Variants in ITGAE observed in about 807,000 individuals in gnomAD.
ITGAE encodes the protein integrin alpha-E.
Under a neutral mutation model 136.5 loss-of-function variants are expected in ITGAE, and 99 were observed. That is an observed-to-expected ratio of 0.73 (90% CI 0.62 to 0.86). The LOEUF (loss-of-function observed/expected upper bound fraction) is 0.86, where lower values mean the gene tolerates loss of function less well. ITGAE is among the 40% of genes least tolerant of loss of function. The pLI, the probability that ITGAE is intolerant of heterozygous loss-of-function variation, is 0.00. For missense variants in ITGAE, 1,447 were observed against 1,515.3 expected, an observed-to-expected ratio of 0.95 and a Z score of 0.75; for synonymous variants, 613 against 591.8, an observed-to-expected ratio of 1.04 and a Z score of -0.52.
In ITGAE at chr17:3,754,715, T is replaced by A. The variant is rs562583423; in HGVS notation, c.1384+402A>T. ...TGTGACTGACCAGGTCCCGCCCCCA[T>A]CCGGAAACCTCAAGTGCAGCCTAAT... On this transcript the variant is annotated intron_variant, in intron 12 of 30. Transcript: ENST00000263087. The A allele has an allele frequency of 2.7e-3, 679 of 247,608 alleles. 17 individuals are homozygous for A. The Admixed American group carries it at 0.032, about 12-fold the overall frequency. The allele number at this position is 247,608 out of a possible 1,614,324, so 15.3% of individuals were successfully genotyped here. A position where few individuals can be genotyped will look rare whatever the true frequency, so the allele number is the denominator to read the frequency against.
chr17:3,725,396 T>G (rs781498594), intron 26 of ITGAE: 2 of 1,614,078 alleles, frequency 1.2e-6, no homozygotes, highest in African/African-American at 2.7e-5. Context: ...TGCAACGCTG[T>G]GAGAAGATTG....
chr17:3,724,746 T>C (rs2051165404), intron 26 of ITGAE: 2 of 1,614,040 alleles, frequency 1.2e-6, no homozygotes, highest in African/African-American at 1.3e-5. Flanking sequence ...AGAGTCCTGC[T>C]GTAAAAGGAA....
chr17:3,755,310 C>T, intron 11 of ITGAE, 49 bp from the exon 12 acceptor site: 1 of 1,485,000 alleles, frequency 6.7e-7, no homozygotes, highest in Non-Finnish European at 8.9e-7. Context: ...GACCCAAGGC[C>T]GGGCCACGGT....
chr17:3,717,267 A>C (rs2050961394), intron 29 of ITGAE: 1 of 156,724 alleles, frequency 6.4e-6, no homozygotes, highest in Non-Finnish European at 1.4e-5. Context: ...ACAGATCCCT[A>C]AAGGCTTTGG....
chr17:3,797,194 C>T (rs1246791838), intron 1 of ITGAE, among the ~76,000 whole-genome samples: 1 of 126,884 alleles, frequency 7.9e-6, no homozygotes, highest in Non-Finnish European at 1.6e-5. Context: ...GAGACGGAGT[C>T]TCGCTCTGTC....
chr17:3,784,124 G>A (rs554012493), intron 1 of ITGAE, among the ~76,000 whole-genome samples: 22 of 152,130 alleles, frequency 1.4e-4, no homozygotes, highest in East Asian at 3.9e-4. Context: ...GCCGGGCGTG[G>A]TGGCGGGCGC....
At chr17:3,777,212 C>A (rs1442336202) in intron 2 of ITGAE, among the ~76,000 whole-genome samples, 1 of 152,124 alleles carries the variant, frequency 6.6e-6, no homozygotes, top group Non-Finnish European at 1.5e-5. Context: ...CCGCCCGCCT[C>A]GGCCTCCCAA....
At position 3,801,123 on chromosome 17, in the gene ITGAE, G is replaced by C; in HGVS notation, c.22C>G (p.Leu8Val). 6.8e-6 allele frequency: 11 copies of C among 1,612,492 alleles called. No individual in the cohort carries two copies. Among genetic ancestry groups the C allele is most frequent in the Non-Finnish European group, 9.3e-6 (11 of 1,180,024 alleles). Residue 8 changes from leucine to valine, a missense_variant, in exon 1 of 31, where the codon CTC (leucine) becomes GTC (valine). Coordinates refer to ENST00000263087, the MANE Select transcript of ITGAE (RefSeq NM_002208.5). MWLFHTLLCIASLALLAA... is the reference protein window; with the variant it reads MWLFHTLVCIASLALLAA... ...TGAGAGGACTTACTGGCTATGCAGA[G>C]CAGAGTGTGGAAGAGCCACATCCTT...
chr17:3,795,155 C>G (rs2053034666), intron 1 of ITGAE, among the ~76,000 whole-genome samples: 1 of 152,168 alleles, frequency 6.6e-6, no homozygotes, highest in African/African-American at 2.4e-5. Context: ...CTGGCTCTGA[C>G]CAAACCCTGA....
chr17:3,751,834 G>A lies in ITGAE; in HGVS notation c.1709C>T (p.Pro570Leu). 6.2e-7 allele frequency: 1 copy of A among 1,614,086 alleles called. No individual in the cohort carries two copies. The highest frequency in any genetic ancestry group is 8.5e-7 in the Non-Finnish European group (1 of 1,179,972). ...GCCAAAGCGGGCATTGGTGAACCCG[G>A]GGTGCCCACTCAGTATGCGTGCCAA... is the stretch of plus-strand genomic sequence containing the variant. ...FSLARILSGH[P>L]GFTNARFGFA... The change falls in exon 15 of 31, where the codon CCC becomes CTC. Residue 570 changes from proline to leucine, a missense_variant. Physicochemically the swap from Pro to Leu is moderately conservative, Grantham distance 98. Coordinates refer to ENST00000263087, the MANE Select transcript of ITGAE (RefSeq NM_002208.5).
At chr17:3,771,892 C>G (rs780850956) in intron 2 of ITGAE, among the ~76,000 whole-genome samples, 1 of 152,118 alleles carries the variant, frequency 6.6e-6, no homozygotes, top group Non-Finnish European at 1.5e-5. Context: ...AAACCAAACA[C>G]AATCTTGACC....
intron 28 of ITGAE, 150 bp from the exon 29 acceptor site, chr17:3,720,552 A>G: frequency 4.0e-6 from 2 of 504,740 alleles, no homozygotes; most frequent in Non-Finnish European, 7.0e-6. Context: ...AAAGTTACCC[A>G]AACAAGACAT....
In ITGAE at chr17:3,784,280, A is replaced by G. The variant is rs1320573365; in HGVS notation, c.35-6620T>C. On this transcript the variant is annotated intron_variant, in intron 1 of 30. Transcript: ENST00000263087. ...ATCTCAAAAAAATAAAATAAAATAA[A>G]AAAATAAAAATAAAAGCAGACCAAA... The G allele has an allele frequency of 1.4e-5, 5 of 350,406 alleles. No homozygotes were observed. The East Asian group carries it at 4.8e-4, about 34-fold the overall frequency. The allele number at this position is 350,406 out of a possible 1,614,324, so 21.7% of individuals were successfully genotyped here.
At chr17:3,763,472 G>A (rs146018003) in intron 3 of ITGAE, among the ~76,000 whole-genome samples, 6 of 152,258 alleles carry the variant, frequency 3.9e-5, no homozygotes, top group Non-Finnish European at 8.8e-5. Flanking sequence ...CTAGAGTTTC[G>A]AATCAGCCAC....
At chr17:3,720,568 G>T in intron 28 of ITGAE, 166 bp from the exon 29 acceptor site, 7 of 456,638 alleles carry the variant, frequency 1.5e-5, no homozygotes, top group South Asian at 6.2e-5. Flanking sequence ...GACATCTGCA[G>T]TTATTCTTCA....
rs1409826990 is a variant in ITGAE at position 3,799,579 on chromosome 17, C to T, written c.34+1532G>A. ...GTGTCTATTATCAGTTGCTTGCAAGCCTGGGTAGTCACTGCCCGCTCTGTG... is the reference window on the plus strand; with the variant it reads ...GTGTCTATTATCAGTTGCTTGCAAGTCTGGGTAGTCACTGCCCGCTCTGTG... On this transcript the variant is annotated intron_variant, in intron 1 of 30. Transcript: ENST00000263087. The surrounding 1 kb of genome is among the most constrained non-coding windows in gnomAD (Gnocchi z 4.1). Among the ~76,000 whole-genome samples the T allele has an allele frequency of 6.6e-6, 1 of 152,038 alleles. No homozygotes were observed. The highest frequency in any genetic ancestry group is 2.4e-5 in the African/African-American group (1 of 41,380).
At chr17:3,800,396 A>AG (rs1476689636) in intron 1 of ITGAE, among the ~76,000 whole-genome samples, 5 of 152,168 alleles carry the variant, frequency 3.3e-5, no homozygotes, top group Non-Finnish European at 7.3e-5. Flanking sequence ...TCAGATCACT[A>AG]GGCAGGACCA....
chr17:3,726,305 G>C (rs2051211243), intron 26 of ITGAE: 1 of 1,613,252 alleles, frequency 6.2e-7, no homozygotes, highest in Admixed American at 1.7e-5. Context: ...CCACTGACTT[G>C]CTCTGCCAGC....
Position 3,761,140 on chromosome 17 carries a change from T to G in ITGAE, c.471A>C (p.Gly157=), listed in dbSNP as rs140061142. The G allele has an allele frequency of 9.7e-5, 157 of 1,613,204 alleles. No individual in the cohort carries two copies. Among genetic ancestry groups the G allele is most frequent in the Non-Finnish European group, 7.1e-5 (84 of 1,180,010 alleles). The change falls in exon 6 of 31, where the codon GGA becomes GGC. Residue 157 remains glycine, a synonymous_variant. Coordinates refer to ENST00000263087, the MANE Select transcript of ITGAE (RefSeq NM_002208.5). Reference sequence around the variant, plus strand: ...CGCCTTCTTTGTTGCTGTAGCAGTCTCCAGTGTCCACACGTGCATCTGGAT... The same window carrying G: ...CGCCTTCTTTGTTGCTGTAGCAGTCGCCAGTGTCCACACGTGCATCTGGAT... The part of the protein sequence containing the change: ...LLDPDARVDT[G]DCYSNKEGGG...
Sources: allele counts gnomAD v4.1 joint callset (sites outside exome capture counted in the v4.1 genomes callset), GRCh38; gene constraint gnomAD v4.1.1; non-coding constraint Gnocchi (gnomAD v3.1); transcripts MANE v1.5; gene names NCBI Gene and HGNC (gene_info 2026-07-23, HGNC 2026-07-21).